PIK3C2G: variants seen among roughly 807,000 people sequenced by gnomAD.
PIK3C2G encodes the protein phosphatidylinositol 3-kinase C2 domain-containing subunit gamma.
In PIK3C2G, 168 loss-of-function variants were observed where a neutral mutation model predicts 181.1. The ratio of observed to expected loss-of-function variants is 0.93; its 90% CI spans 0.82 to 1.05. The LOEUF (loss-of-function observed/expected upper bound fraction) is 1.05, where lower values mean the gene tolerates loss of function less well. Among genes scored for constraint, PIK3C2G ranks in the 50% least tolerant of loss-of-function variants. The pLI, the probability that PIK3C2G is intolerant of heterozygous loss-of-function variation, is 0.00. For missense variants in PIK3C2G, 1,869 were observed against 1,732.8 expected, an observed-to-expected ratio of 1.08 and a Z score of -1.40; for synonymous variants, 573 against 592.2, an observed-to-expected ratio of 0.97 and a Z score of 0.47.
Position 18,354,753 on chromosome 12 carries a change from T to C in PIK3C2G, c.1625+7917T>C, listed in dbSNP as rs1940563848. On this transcript the variant is annotated intron_variant, in intron 11 of 32. Transcript: ENST00000538779. ...TCATTCAGGATGCACTCCAGAAGAG[T>C]ATAAACTGGTGATGGTGGAGACAGT... 2.0e-5 allele frequency among the ~76,000 whole-genome samples: 3 copies of C among 151,960 alleles called. No homozygotes were observed. The South Asian group carries it at 6.2e-4, about 32-fold the overall frequency.
At chr12:18,643,164 T>C (rs1175356824) in intron 32 of PIK3C2G, among the ~76,000 whole-genome samples, 1 of 152,160 alleles carries the variant, frequency 6.6e-6, no homozygotes, top group Non-Finnish European at 1.5e-5. Context: ...GTAAATTATA[T>C]TCATGGAAAA....
At chr12:18,723,597 T>G in the PIK3C2G span, 10 of 1,292,614 alleles carry the variant, frequency 7.7e-6, no homozygotes, top group Middle Eastern at 2.0e-4. Flanking sequence ...ATACATAAAA[T>G]GAATATTAGA....
At chr12:18,276,054 C>T (rs541059631) in intron 1 of PIK3C2G, among the ~76,000 whole-genome samples, 1 of 152,280 alleles carries the variant, frequency 6.6e-6, no homozygotes, top group East Asian at 1.9e-4. Context: ...TTGCAGTAGA[C>T]AAAGAAAACA....
At chr12:18,383,965 T>C (rs1375686520) in intron 14 of PIK3C2G, among the ~76,000 whole-genome samples, 1 of 149,754 alleles carries the variant, frequency 6.7e-6, no homozygotes, top group African/African-American at 2.5e-5. Context: ...CACCTTGCCC[T>C]GTTATTTTTA....
chr12:18,668,916 C>A, the PIK3C2G span, among the ~76,000 whole-genome samples: 1 of 151,748 alleles, frequency 6.6e-6, no homozygotes, highest in Non-Finnish European at 1.5e-5. Flanking sequence ...TCAGCAAAGA[C>A]GAAATAAATT....
At chr12:18,607,091 T>C in intron 30 of PIK3C2G, 1 of 461,456 alleles carries the variant, frequency 2.2e-6, no homozygotes, top group Non-Finnish European at 4.3e-6. Context: ...AATTACAATG[T>C]AACATTTCAC....
the PIK3C2G span, chr12:18,683,228 A>G: frequency 1.9e-6 from 3 of 1,610,230 alleles, no homozygotes; most frequent in South Asian, 3.3e-5. Context: ...TATGTCATTT[A>G]TCATTAGCTG....
the PIK3C2G span, among the ~76,000 whole-genome samples, chr12:18,677,961 T>C: frequency 6.6e-6 from 1 of 152,110 alleles, no homozygotes; most frequent in Non-Finnish European, 1.5e-5. Flanking sequence ...TGCACATAAA[T>C]GTATTTCAAT....
rs545364901 is a variant in PIK3C2G at position 18,446,517 on chromosome 12, A to G, written c.2504+22478A>G. ...CCTCAGTGCTAACAGTATCACTGTC[A>G]CTGGCCCCAATGTACCACCCATACC... On this transcript the variant is annotated intron_variant, in intron 18 of 32. Transcript: ENST00000538779. Among the ~76,000 whole-genome samples, 172 of 152,212 alleles carry G rather than the reference A, an allele frequency of 1.1e-3. 1 individual carries two copies. Among genetic ancestry groups the G allele is most frequent in the African/African-American group, 4.0e-3 (168 of 41,546 alleles).
chr12:18,451,188 T>C (rs879210123), intron 18 of PIK3C2G, among the ~76,000 whole-genome samples: 5 of 152,226 alleles, frequency 3.3e-5, no homozygotes, highest in African/African-American at 1.2e-4. Flanking sequence ...TTTCACGATA[T>C]TGATTTTTCC....
chr12:18,435,216 C>T (rs769556338), intron 18 of PIK3C2G, among the ~76,000 whole-genome samples: 1 of 152,114 alleles, frequency 6.6e-6, no homozygotes, highest in Non-Finnish European at 1.5e-5. Context: ...TATTCTTACC[C>T]AATAATCTTT....
intron 18 of PIK3C2G, among the ~76,000 whole-genome samples, chr12:18,480,445 T>G (rs1939441658): frequency 1.3e-5 from 2 of 152,126 alleles, no homozygotes; most frequent in African/African-American, 2.4e-5. Context: ...CTGGAACATG[T>G]GAACATATGT....
chr12:18,445,410 T>C (rs977769584), intron 18 of PIK3C2G, among the ~76,000 whole-genome samples: 4 of 142,070 alleles, frequency 2.8e-5, no homozygotes, highest in Non-Finnish European at 6.1e-5. Context: ...ACCTATCAGA[T>C]TGGCAAAAAT....
At chr12:18,662,557 A>T in the PIK3C2G span, among the ~76,000 whole-genome samples, 1 of 152,156 alleles carries the variant, frequency 6.6e-6, no homozygotes, top group Non-Finnish European at 1.5e-5. Context: ...ATACATGAAC[A>T]ATTATAAAAA....
At chr12:18,641,779 ACT>A (rs1216442267) in intron 32 of PIK3C2G, among the ~76,000 whole-genome samples, 2 of 106,034 alleles carry the variant, frequency 1.9e-5, no homozygotes, top group African/African-American at 8.7e-5. Context: ...GGAGCCCTTC[ACT>A]CTGTGTCTAG....
intron 31 of PIK3C2G, among the ~76,000 whole-genome samples, chr12:18,634,669 G>A (rs981428998): frequency 9.2e-5 from 14 of 152,244 alleles, no homozygotes; most frequent in Middle Eastern, 3.4e-3. Flanking sequence ...ATAAAAGTCC[G>A]TGTTGCTGAG....
intron 6 of PIK3C2G, among the ~76,000 whole-genome samples, chr12:18,318,067 TACTC>T (rs1349038549): frequency 6.6e-6 from 1 of 152,214 alleles, no homozygotes; most frequent in Non-Finnish European, 1.5e-5. Context: ...TTTAGAAATT[TACTC>T]ACTGTGTTGG....
In PIK3C2G at chr12:18,647,454, A is replaced by G. The variant is rs202036359; in HGVS notation, c.4309-422A>G. On this transcript the variant is annotated intron_variant, in intron 32 of 32. Coordinates refer to ENST00000538779, the MANE Select transcript of PIK3C2G (RefSeq NM_001288772.2). ...ATCTATTCCCCTGAATCTAAAATTGAAAAAAAAAAAAAATAGTCTGCTTTT... is the reference window on the plus strand; with the variant it reads ...ATCTATTCCCCTGAATCTAAAATTGGAAAAAAAAAAAAATAGTCTGCTTTT... Among the ~76,000 whole-genome samples the G allele has an allele frequency of 3.2e-4, 33 of 103,564 alleles. No homozygotes were observed. The East Asian group carries it at 0.017, about 53-fold the overall frequency. 67.9% of individuals were successfully genotyped at this position (103,564 alleles called of 152,430 possible).
chr12:18,705,151 A>T, the PIK3C2G span: 1 of 1,613,790 alleles, frequency 6.2e-7, no homozygotes, highest in South Asian at 1.1e-5. Context: ...TGAGTTTCTC[A>T]GAAAAAAATG....
Sources: gnomAD v4.1 joint callset for allele counts (sites outside exome capture counted in the v4.1 genomes callset) on GRCh38, gnomAD v4.1.1 for gene constraint, MANE v1.5 for transcripts, NCBI Gene and HGNC (gene_info 2026-07-23, HGNC 2026-07-21) for gene names.